MYO5B: variants seen among roughly 807,000 people sequenced by gnomAD.
MYO5B encodes the protein unconventional myosin-Vb.
Under a neutral mutation model 229.3 loss-of-function variants are expected in MYO5B, and 143 were observed. The ratio of observed to expected loss-of-function variants is 0.62; its 90% CI spans 0.54 to 0.72. The LOEUF (loss-of-function observed/expected upper bound fraction) is 0.72, where lower values mean the gene tolerates loss of function less well. Ranked by LOEUF, MYO5B falls within the 30% of genes least tolerant of loss-of-function variation. MYO5B has a pLI of 0.00. For synonymous variants in MYO5B, 918 were observed against 885.2 expected, an observed-to-expected ratio of 1.04 and a Z score of -0.66; for missense variants, 2,321 against 2,331.0, an observed-to-expected ratio of 1.00 and a Z score of 0.09.
At chr18:49,827,349 C>T (rs2023859660) in intron 39 of MYO5B, among the ~76,000 whole-genome samples, 1 of 152,244 alleles carries the variant, frequency 6.6e-6, no homozygotes, top group Non-Finnish European at 1.5e-5. Flanking sequence ...GGACCTTGTC[C>T]TCCAAAAATT....
intron 1 of MYO5B, among the ~76,000 whole-genome samples, chr18:50,137,839 G>A (rs896933854): frequency 7.5e-6 from 1 of 133,244 alleles, no homozygotes; most frequent in Non-Finnish European, 1.6e-5. Context: ...GAACATGGAT[G>A]AAGCTGGACG....
chr18:50,124,698 C>T (rs1419397979), intron 1 of MYO5B, among the ~76,000 whole-genome samples: 1 of 151,814 alleles, frequency 6.6e-6, no homozygotes, highest in Non-Finnish European at 1.5e-5. Flanking sequence ...TGAAATCTTT[C>T]CCCCCTGGTG....
intron 14 of MYO5B, among the ~76,000 whole-genome samples, chr18:49,947,808 T>C (rs571269652): frequency 2.6e-5 from 4 of 152,206 alleles, no homozygotes; most frequent in Non-Finnish European, 5.9e-5. Flanking sequence ...CATTCCTATA[T>C]ATAGCTTTTA....
chr18:50,108,238 G>T (rs2031797713), intron 1 of MYO5B, among the ~76,000 whole-genome samples: 1 of 152,164 alleles, frequency 6.6e-6, no homozygotes, highest in Non-Finnish European at 1.5e-5. Flanking sequence ...TAACTCCTTT[G>T]CTTCTCTTAT....
intron 1 of MYO5B, among the ~76,000 whole-genome samples, chr18:50,181,083 T>C (rs776407807): frequency 6.6e-6 from 1 of 152,226 alleles, no homozygotes. Flanking sequence ...AAAGTGCATT[T>C]TAGGAAATTA....
At chr18:50,146,933 T>G (rs932834749) in intron 1 of MYO5B, among the ~76,000 whole-genome samples, 2 of 152,164 alleles carry the variant, frequency 1.3e-5, no homozygotes, top group Non-Finnish European at 2.9e-5. Context: ...GTACTCCCTG[T>G]CCCCCTCAGA....
chr18:49,996,331 T>G (rs749137243), intron 5 of MYO5B, among the ~76,000 whole-genome samples: 4 of 152,214 alleles, frequency 2.6e-5, no homozygotes, highest in African/African-American at 9.6e-5. Flanking sequence ...AGGTGTTACT[T>G]AGAGAAATTC....
At chr18:50,169,986 G>A (rs1302842266) in intron 1 of MYO5B, among the ~76,000 whole-genome samples, 1 of 127,242 alleles carries the variant, frequency 7.9e-6, no homozygotes, top group Non-Finnish European at 1.7e-5. Flanking sequence ...CTCTTTGATT[G>A]TCGATGTCAT....
intron 4 of MYO5B, among the ~76,000 whole-genome samples, chr18:50,015,679 G>A (rs1328315234): frequency 6.6e-6 from 1 of 152,194 alleles, no homozygotes; most frequent in Non-Finnish European, 1.5e-5. Context: ...GGGGACACAT[G>A]AAGTCACGCC....
Position 49,945,317 on chromosome 18 carries a change from G to C in MYO5B, c.1753-7920C>G, listed in dbSNP as rs532688677. Among the ~76,000 whole-genome samples the C allele has an allele frequency of 3.2e-3, 481 of 152,208 alleles. 2 individuals carry two copies. The highest frequency in any genetic ancestry group is 0.011 in the African/African-American group (447 of 41,536). On this transcript the variant is annotated intron_variant, in intron 14 of 39. Transcript: ENST00000285039. ...CTTCTTTCCTCTAGGTGTTCCACTG[G>C]GAACTCCGAATTCAATACAGCCCAA...
intron 39 of MYO5B, among the ~76,000 whole-genome samples, chr18:49,833,389 T>C (rs1201821880): frequency 6.6e-6 from 1 of 152,214 alleles, no homozygotes; most frequent in Non-Finnish European, 1.5e-5. Context: ...GGACTGATTG[T>C]TCACCATTTC....
chr18:49,987,028 T>C (rs1159399106), intron 7 of MYO5B, among the ~76,000 whole-genome samples: 8 of 152,180 alleles, frequency 5.3e-5, no homozygotes, highest in Admixed American at 3.9e-4. Context: ...AGGAGGAGAC[T>C]AGACTTTCAT....
chr18:50,011,965 G>T (rs1250778099), intron 4 of MYO5B, among the ~76,000 whole-genome samples: 2 of 151,906 alleles, frequency 1.3e-5, no homozygotes, highest in African/African-American at 4.8e-5. Context: ...GTAAAGAGTG[G>T]GACAGCATAG....
At chr18:49,952,134 G>A (rs1008502891) in intron 14 of MYO5B, among the ~76,000 whole-genome samples, 1 of 152,166 alleles carries the variant, frequency 6.6e-6, no homozygotes, top group African/African-American at 2.4e-5. Context: ...CCCTCACCAC[G>A]TGATAGAACA....
intron 14 of MYO5B, among the ~76,000 whole-genome samples, chr18:49,950,500 C>T (rs1412300624): frequency 6.6e-6 from 1 of 152,060 alleles, no homozygotes; most frequent in African/African-American, 2.4e-5. Flanking sequence ...TTCATTGCTA[C>T]ATTATTTGAA....
At position 49,849,588 on chromosome 18, in the gene MYO5B, T is replaced by G; in HGVS notation, c.4294A>C (p.Lys1432Gln). The change falls in exon 32 of 40, where the codon AAG becomes CAG. Residue 1432 changes from lysine (K) to glutamine (Q), a missense_variant. Physicochemically the swap from Lys to Gln is moderately conservative, Grantham distance 53 (BLOSUM62 1). Transcript: ENST00000285039. ...CTACCTTCTAGGTCCTGGGCTTTCT[T>G]CATGTAAATCTTCAGTTGCTTTTTG... ...KLKKQLKIYM[K>Q]KAQDLEAAQA... 1 of 1,612,726 alleles carries G rather than the reference T, an allele frequency of 6.2e-7. No homozygotes were observed. Among genetic ancestry groups the G allele is most frequent in the Non-Finnish European group, 8.5e-7 (1 of 1,179,542 alleles).
intron 1 of MYO5B, among the ~76,000 whole-genome samples, chr18:50,123,644 C>A (rs2032107527): frequency 6.6e-6 from 1 of 152,126 alleles, no homozygotes; most frequent in Admixed American, 6.5e-5. Context: ...GAGGTCAAGG[C>A]TGCAGTAAGC....
chr18:49,872,063 T>C, intron 27 of MYO5B, 104 bp downstream of exon 27: 1 of 1,087,940 alleles, frequency 9.2e-7, no homozygotes, highest in East Asian at 2.4e-5. Flanking sequence ...CTGCTCTCCT[T>C]GTTAGCAGAC....
chr18:50,023,136 CAA>C (rs55848235), intron 4 of MYO5B, among the ~76,000 whole-genome samples: 242 of 144,440 alleles, frequency 1.7e-3, no homozygotes, highest in Middle Eastern at 7.1e-3. Context: ...CAATGTCTTA[CAA>C]AAAAAAAAAA....
Sources: allele counts gnomAD v4.1 joint callset (sites outside exome capture counted in the v4.1 genomes callset), GRCh38; gene constraint gnomAD v4.1.1; transcripts MANE v1.5; gene names NCBI Gene and HGNC (gene_info 2026-07-23, HGNC 2026-07-21).